The following EDARADD variants were observed in gnomAD, a reference collection of about 807,000 sequenced individuals.
The protein encoded by EDARADD is ectodysplasin-A receptor-associated adapter protein.
In EDARADD, 20 loss-of-function variants were observed where a neutral mutation model predicts 25.6. The observed-to-expected ratio is 0.78, with a 90% CI of 0.55 to 1.14. The LOEUF is 1.14. Ranked by LOEUF, EDARADD falls within the 50% of genes most tolerant of loss-of-function variation. EDARADD has a pLI of 0.00. For missense variants in EDARADD, 225 were observed against 270.1 expected (o/e 0.83, Z 1.17); for synonymous variants, 86 against 94.4 (o/e 0.91, Z 0.52).
chr1:236,362,277 A>C (rs185354296), intron 3 of EDARADD, among the ~76,000 whole-genome samples: 6 of 152,228 alleles, frequency 3.9e-5, no homozygotes, highest in Admixed American at 1.3e-4. Context: ...TTGTGGCTTT[A>C]ATTTGCATGT....
chr1:236,381,298 C>G (rs925051121), intron 3 of EDARADD, among the ~76,000 whole-genome samples: 3 of 151,766 alleles, frequency 2.0e-5, no homozygotes, highest in Non-Finnish European at 4.4e-5. Context: ...AAAGATACAC[C>G]ATTCATTTTT....
At chr1:236,444,306 A>G (rs1658476152) in intron 4 of EDARADD, among the ~76,000 whole-genome samples, 1 of 150,692 alleles carries the variant, frequency 6.6e-6, no homozygotes, top group East Asian at 1.9e-4. Context: ...AATATAGTTT[A>G]CAAAATGACC....
At chr1:236,446,619 G>T (rs930664475) in intron 4 of EDARADD, among the ~76,000 whole-genome samples, 3 of 152,094 alleles carry the variant, frequency 2.0e-5, no homozygotes, top group African/African-American at 7.2e-5. Flanking sequence ...CCAATGAAAT[G>T]AGTAGTATAC....
chr1:236,449,087 G>C (rs1293296600), intron 4 of EDARADD, among the ~76,000 whole-genome samples: 1 of 152,120 alleles, frequency 6.6e-6, no homozygotes, highest in African/African-American at 2.4e-5. Context: ...TTAGCTTCTG[G>C]TGGTTTGCTG....
In EDARADD at chr1:236,480,129, A is replaced by C. The variant is rs544627154; in HGVS notation, c.266-2138A>C. Among the ~76,000 whole-genome samples the C allele has an allele frequency of 2.3e-3, 327 of 140,878 alleles. 4 individuals carry two copies. The highest frequency in any genetic ancestry group is 8.6e-3 in the African/African-American group (316 of 36,780). The allele number at this position is 140,878 out of a possible 152,430, so 92.4% of individuals were successfully genotyped here. Reference sequence around the variant, plus strand: ...TATATATATATATATATATATATATATATATATCACATTTTCTTTATCCAC... The same window carrying C: ...TATATATATATATATATATATATATCTATATATCACATTTTCTTTATCCAC... On this transcript the variant is annotated intron_variant, in intron 5 of 5. Transcript: ENST00000334232.
chr1:236,352,259 A>G (rs573797832), intron 3 of EDARADD, among the ~76,000 whole-genome samples: 26 of 152,250 alleles, frequency 1.7e-4, no homozygotes, highest in Non-Finnish European at 2.9e-4. Flanking sequence ...TGGTTAGGTT[A>G]TTATCTCTGT....
intron 3 of EDARADD, among the ~76,000 whole-genome samples, chr1:236,388,015 A>AT (rs1390709390): frequency 0.072 from 184 of 2,570 alleles, 84 homozygotes; most frequent in East Asian, 0.17. Flanking sequence ...AAATTAAAAA[A>AT]AAAAATAATA....
At chr1:236,372,422 C>T (rs530983418) in intron 3 of EDARADD, among the ~76,000 whole-genome samples, 2 of 152,262 alleles carry the variant, frequency 1.3e-5, no homozygotes, top group Non-Finnish European at 2.9e-5. Flanking sequence ...GCTAAATCTG[C>T]TCAGTCATGG....
intron 3 of EDARADD, among the ~76,000 whole-genome samples, chr1:236,427,022 C>T (rs1657938960): frequency 1.3e-5 from 2 of 152,160 alleles, no homozygotes; most frequent in African/African-American, 4.8e-5. Context: ...GCTAGGATTA[C>T]AGGCATGCGC....
intron 3 of EDARADD, among the ~76,000 whole-genome samples, chr1:236,424,938 T>G (rs1657874543): frequency 6.6e-6 from 1 of 152,242 alleles, no homozygotes; most frequent in Non-Finnish European, 1.5e-5. Flanking sequence ...TATTTTGGAT[T>G]TCTAGCCACA....
chr1:236,458,035 G>T (rs761101251), intron 4 of EDARADD, among the ~76,000 whole-genome samples: 2 of 152,200 alleles, frequency 1.3e-5, no homozygotes, highest in Admixed American at 6.5e-5. Flanking sequence ...TCACAAGAAG[G>T]TTAGAATTTC....
intron 5 of EDARADD, among the ~76,000 whole-genome samples, chr1:236,470,202 A>G (rs1319300998): frequency 6.6e-6 from 1 of 152,230 alleles, no homozygotes; most frequent in Non-Finnish European, 1.5e-5. Flanking sequence ...TGTATATATA[A>G]CAAATGATCA....
rs1227603633 is a variant in EDARADD at position 236,405,725 on chromosome 1, TTTTCTTTCTTTCTTTC to T, written c.62-3439_62-3424del. Among the ~76,000 whole-genome samples, 966 of 120,510 alleles carry T rather than the reference TTTTCTTTCTTTCTTTC, an allele frequency of 8.0e-3. 16 individuals carry two copies. Among genetic ancestry groups the T allele is most frequent in the East Asian group, 0.01 (35 of 3,412 alleles). 79.1% of individuals were successfully genotyped at this position (120,510 alleles called of 152,430 possible). On this transcript the variant is annotated intron_variant, in intron 1 of 5. Coordinates refer to ENST00000334232, the MANE Select transcript of EDARADD (RefSeq NM_145861.4). ...CTGCATTTTCCTCTCCTTCCTTTCT[TTTTCTTTCTTTCTTTC>T]TTTCTTTCTTTCTTTCTTTCTTTCT...
upstream of EDARADD, among the ~76,000 whole-genome samples, chr1:236,390,742 C>G (rs958057061): frequency 6.6e-6 from 1 of 152,120 alleles, no homozygotes; most frequent in African/African-American, 2.4e-5. Context: ...ATCCTACACA[C>G]AGCTGCTGGA....
intron 3 of EDARADD, among the ~76,000 whole-genome samples, chr1:236,420,221 A>T (rs759130352): frequency 2.0e-5 from 3 of 152,178 alleles, no homozygotes; most frequent in Non-Finnish European, 4.4e-5. Context: ...AAGACTGCTA[A>T]TGAAGGTAAA....
chr1:236,370,755 T>G (rs891730992), intron 3 of EDARADD, among the ~76,000 whole-genome samples: 1 of 152,190 alleles, frequency 6.6e-6, no homozygotes, highest in Non-Finnish European at 1.5e-5. Context: ...ACACTGATCT[T>G]AGGAGCAGTT....
chr1:236,424,484 G>T (rs1657860435), intron 3 of EDARADD, among the ~76,000 whole-genome samples: 1 of 151,974 alleles, frequency 6.6e-6, no homozygotes, highest in African/African-American at 2.4e-5. Flanking sequence ...TTGTGTCCAG[G>T]TTTCTTTTTA....
In EDARADD at chr1:236,395,800, C is replaced by G. The variant is rs1667505359; in HGVS notation, c.61+1295C>G. The G allele has an allele frequency of 1.3e-6, 1 of 762,004 alleles. No homozygotes were observed. Among genetic ancestry groups the G allele is most frequent in the Non-Finnish European group, 1.9e-6 (1 of 520,352 alleles). The allele number at this position is 762,004 out of a possible 1,614,324, so 47.2% of individuals were successfully genotyped here. A position where few individuals can be genotyped will look rare whatever the true frequency, so the allele number is the denominator to read the frequency against. On this transcript the variant is annotated intron_variant, in intron 1 of 5. Coordinates refer to ENST00000334232, the MANE Select transcript of EDARADD (RefSeq NM_145861.4). The surrounding 1 kb of genome is among the most constrained non-coding windows in gnomAD (Gnocchi z 6.9). ...GGAGGCCCGGGAACCACCCCCGACC[C>G]AGGCGCCAGACCCGGAGTCGCACGG...
At chr1:236,361,737 G>A (rs573357174) in intron 3 of EDARADD, among the ~76,000 whole-genome samples, 1 of 149,426 alleles carries the variant, frequency 6.7e-6, no homozygotes, top group South Asian at 2.1e-4. Context: ...GTTAGTATCA[G>A]TGGTCCCTTT....
Sources: allele counts gnomAD v4.1 joint callset (sites outside exome capture counted in the v4.1 genomes callset), GRCh38; gene constraint gnomAD v4.1.1; non-coding constraint Gnocchi (gnomAD v3.1); transcripts MANE v1.5; gene names NCBI Gene and HGNC (gene_info 2026-07-23, HGNC 2026-07-21).